Variants in MTMR7 observed in about 807,000 individuals in gnomAD.
MTMR7 encodes phosphatidylinositol-3-phosphate phosphatase MTMR7.
MTMR7 carries 76 observed loss-of-function variants against 81.2 expected under a neutral mutation model. The observed-to-expected ratio is 0.94, with a 90% CI of 0.78 to 1.13. MTMR7 has a LOEUF of 1.13. Among genes scored for constraint, MTMR7 ranks in the 50% most tolerant of loss-of-function variants. The probability of loss-of-function intolerance (pLI) is 0.00; values close to 1 mark genes in which losing one functional copy is unlikely to be tolerated. For missense variants in MTMR7, 1,044 were observed against 820.0 expected (o/e 1.27, Z -3.34); for synonymous variants, 372 against 289.8 (o/e 1.28, Z -2.88).
intron 10 of MTMR7, among the ~76,000 whole-genome samples, chr8:17,307,111 A>C (rs542273402): frequency 4.6e-5 from 7 of 152,274 alleles, no homozygotes; most frequent in South Asian, 2.1e-4. Context: ...CAACCTACAA[A>C]ATGGGAGAAA....
chr8:17,358,543 C>G (rs1405595695), intron 4 of MTMR7, among the ~76,000 whole-genome samples: 1 of 152,054 alleles, frequency 6.6e-6, no homozygotes, highest in Admixed American at 6.6e-5. Flanking sequence ...AAATTTCACA[C>G]CTAAATAATA....
At chr8:17,343,367 T>G (rs964763832) in intron 5 of MTMR7, among the ~76,000 whole-genome samples, 1 of 152,068 alleles carries the variant, frequency 6.6e-6, no homozygotes. Flanking sequence ...CAGGCAGAGT[T>G]TGCAGTGCAC....
chr8:17,356,433 G>A (rs563037025), intron 4 of MTMR7, among the ~76,000 whole-genome samples: 1 of 152,166 alleles, frequency 6.6e-6, no homozygotes, highest in African/African-American at 2.4e-5. Context: ...AGGCATGGTG[G>A]CTTGCCTGTA....
intron 1 of MTMR7, among the ~76,000 whole-genome samples, chr8:17,402,953 A>G (rs1005962694): frequency 1.1e-4 from 16 of 152,156 alleles, no homozygotes; most frequent in Non-Finnish European, 1.6e-4. Flanking sequence ...CTGGGGTGAT[A>G]CAGTATCTCA....
chr8:17,375,769 G>A (rs1468746958), intron 1 of MTMR7, among the ~76,000 whole-genome samples: 2 of 152,116 alleles, frequency 1.3e-5, no homozygotes, highest in Non-Finnish European at 2.9e-5. Flanking sequence ...CTGTAATAAT[G>A]TGTTGCTTCC....
chr8:17,358,284 T>C (rs1819956101), intron 4 of MTMR7, among the ~76,000 whole-genome samples: 1 of 152,086 alleles, frequency 6.6e-6, no homozygotes, highest in Non-Finnish European at 1.5e-5. Flanking sequence ...TCATATAAAA[T>C]AGAATTCAAA....
chr8:17,357,085 G>T (rs1819917972), intron 4 of MTMR7, among the ~76,000 whole-genome samples: 1 of 151,928 alleles, frequency 6.6e-6, no homozygotes, highest in African/African-American at 2.4e-5. Context: ...AAAGAAAGAG[G>T]GAAGGATGAG....
intron 1 of MTMR7, among the ~76,000 whole-genome samples, chr8:17,405,944 TAATA>T (rs1339805177): frequency 2.6e-5 from 4 of 152,040 alleles, no homozygotes; most frequent in Non-Finnish European, 5.9e-5. Context: ...AGAAAAATGT[TAATA>T]TATACACAGC....
chr8:17,338,712 C>A (rs564618045), intron 6 of MTMR7: 2 of 147,900 alleles, frequency 1.4e-5, no homozygotes, highest in East Asian at 4.2e-4. Context: ...CAGTGAAAAT[C>A]TTCCAGCAAA....
At chr8:17,408,911 T>A (rs1406409043) in intron 1 of MTMR7, among the ~76,000 whole-genome samples, 1 of 152,152 alleles carries the variant, frequency 6.6e-6, no homozygotes, top group African/African-American at 2.4e-5. Flanking sequence ...GTCTGCACAA[T>A]ATGTAAATAT....
At chr8:17,348,220 A>T (rs1819618329) in intron 5 of MTMR7, among the ~76,000 whole-genome samples, 1 of 152,112 alleles carries the variant, frequency 6.6e-6, no homozygotes, top group Non-Finnish European at 1.5e-5. Context: ...TACTGAAGAT[A>T]CTCAAAAGAA....
At chr8:17,363,905 T>TA (rs759525869) in intron 3 of MTMR7, among the ~76,000 whole-genome samples, 14,211 of 136,874 alleles carry the variant, frequency 0.1, 911 homozygotes, top group Non-Finnish European at 0.15. Context: ...GAGGCAAGCT[T>TA]AAAAAAAAAA....
intron 7 of MTMR7, among the ~76,000 whole-genome samples, chr8:17,316,802 C>T (rs1338649522): frequency 6.6e-6 from 1 of 151,904 alleles, no homozygotes; most frequent in Non-Finnish European, 1.5e-5. Flanking sequence ...AGGCTATATG[C>T]AAATACACCA....
At chr8:17,398,849 AT>A (rs1475610200) in intron 1 of MTMR7, among the ~76,000 whole-genome samples, 1 of 152,230 alleles carries the variant, frequency 6.6e-6, no homozygotes, top group Non-Finnish European at 1.5e-5. Flanking sequence ...TAGAGTTTTT[AT>A]TAGTTTTCCT....
intron 3 of MTMR7, 49 bp downstream of exon 3, chr8:17,370,988 A>C: frequency 6.3e-7 from 1 of 1,581,412 alleles, no homozygotes; most frequent in Non-Finnish European, 8.6e-7. Context: ...TCTGATTTGC[A>C]AATTTTTAAG....
At chr8:17,317,152 GTC>G (rs1818130832) in intron 7 of MTMR7, among the ~76,000 whole-genome samples, 2 of 152,124 alleles carry the variant, frequency 1.3e-5, no homozygotes, top group Non-Finnish European at 2.9e-5. Flanking sequence ...TGGGGGTGTG[GTC>G]TCTGTCCTGC....
intron 1 of MTMR7, among the ~76,000 whole-genome samples, chr8:17,393,096 G>A (rs1821152612): frequency 6.6e-6 from 1 of 152,160 alleles, no homozygotes; most frequent in Non-Finnish European, 1.5e-5. Flanking sequence ...TAAAGGAATA[G>A]AACTGAGAGT....
At chr8:17,398,472 C>T (rs1003324301) in intron 1 of MTMR7, among the ~76,000 whole-genome samples, 29 of 152,122 alleles carry the variant, frequency 1.9e-4, no homozygotes, top group Admixed American at 9.8e-4. Context: ...AATTAGTGAG[C>T]TTGAAGACAA....
intron 5 of MTMR7, chr8:17,346,012 A>G (rs754608688): frequency 2.6e-5 from 4 of 152,230 alleles, no homozygotes; most frequent in Non-Finnish European, 5.9e-5. Context: ...TGGAATGTGT[A>G]CCTGTTTACT....
Sources: gnomAD v4.1 joint callset for allele counts (sites outside exome capture counted in the v4.1 genomes callset) on GRCh38, gnomAD v4.1.1 for gene constraint, MANE v1.5 for transcripts, NCBI Gene and HGNC (gene_info 2026-07-23, HGNC 2026-07-21) for gene names.